Variants in FHIT observed in about 807,000 individuals in gnomAD.
The protein encoded by FHIT is fragile histidine triad diadenosine triphosphatase.
In FHIT, 19 loss-of-function variants were observed where a neutral mutation model predicts 17.9. That is an observed-to-expected ratio of 1.06 (90% CI 0.74 to 1.56). The LOEUF (loss-of-function observed/expected upper bound fraction) is 1.56, where lower values mean the gene tolerates loss of function less well. Ranked by LOEUF, FHIT falls within the 40% of genes most tolerant of loss-of-function variation. The pLI, the probability that FHIT is intolerant of heterozygous loss-of-function variation, is 0.00. For synonymous variants in FHIT, 81 were observed against 69.7 expected (o/e 1.16, Z -0.81); for missense variants, 248 against 189.2 (o/e 1.31, Z -1.82).
chr3:60,876,367 A>C (rs2107099252), intron 3 of FHIT, among the ~76,000 whole-genome samples: 1 of 152,326 alleles, frequency 6.6e-6, no homozygotes, highest in Non-Finnish European at 1.5e-5. Flanking sequence ...TTCTAATTTT[A>C]GGTTAAAAAG....
intron 4 of FHIT, among the ~76,000 whole-genome samples, chr3:60,725,923 G>A (rs1360472952): frequency 6.6e-6 from 1 of 151,970 alleles, no homozygotes; most frequent in Non-Finnish European, 1.5e-5. Flanking sequence ...TGATATTAAG[G>A]CTCACTGATG....
intron 4 of FHIT, among the ~76,000 whole-genome samples, chr3:60,649,319 G>A (rs541552264): frequency 2.0e-5 from 3 of 152,128 alleles, no homozygotes; most frequent in Admixed American, 6.5e-5. Flanking sequence ...AGGCTGAGGC[G>A]TTAACCTGGG....
chr3:60,172,476 A>T (rs762203635), intron 5 of FHIT, among the ~76,000 whole-genome samples: 182 of 149,238 alleles, frequency 1.2e-3, no homozygotes, highest in Admixed American at 2.5e-3. Flanking sequence ...GAGTTTCTCC[A>T]TGTTAGTCAG....
intron 3 of FHIT, among the ~76,000 whole-genome samples, chr3:61,004,621 G>A (rs2107610499): frequency 6.6e-6 from 1 of 152,258 alleles, no homozygotes; most frequent in South Asian, 2.1e-4. Context: ...GAGGAACATA[G>A]CCAGCTCAAA....
At chr3:60,484,292 A>T (rs2033743874) in intron 5 of FHIT, among the ~76,000 whole-genome samples, 1 of 152,122 alleles carries the variant, frequency 6.6e-6, no homozygotes, top group Non-Finnish European at 1.5e-5. Context: ...TACTATTGAC[A>T]TCCCTCACAA....
At chr3:60,068,617 T>C (rs1456355246) in intron 5 of FHIT, among the ~76,000 whole-genome samples, 1 of 152,194 alleles carries the variant, frequency 6.6e-6, no homozygotes, top group Non-Finnish European at 1.5e-5. Flanking sequence ...CACAAACTAC[T>C]AAATGTCCAA....
At chr3:60,284,490 C>T (rs1707622192) in intron 5 of FHIT, among the ~76,000 whole-genome samples, 1 of 152,038 alleles carries the variant, frequency 6.6e-6, no homozygotes, top group African/African-American at 2.4e-5. Flanking sequence ...CAAGGTAGGT[C>T]ATCTTAGTTT....
intron 3 of FHIT, among the ~76,000 whole-genome samples, chr3:60,975,583 A>C (rs1410451502): frequency 2.6e-5 from 4 of 152,236 alleles, no homozygotes; most frequent in Non-Finnish European, 5.9e-5. Flanking sequence ...GGTTATGTAG[A>C]GTAAAATTTT....
intron 8 of FHIT, among the ~76,000 whole-genome samples, chr3:59,793,854 G>A (rs1420034732): frequency 1.3e-5 from 2 of 152,172 alleles, no homozygotes; most frequent in Admixed American, 1.3e-4. Context: ...AGCTGGCCCA[G>A]TGAGGATAGG....
chr3:59,784,964 CATCATGGGGAGGCCTCAGGAAGCTTCCA>C lies in FHIT; in HGVS notation c.349-32671_349-32644del, dbSNP rs570462874. Among the ~76,000 whole-genome samples, 75 of 152,154 alleles carry C rather than the reference CATCATGGGGAGGCCTCAGGAAGCTTCCA, an allele frequency of 4.9e-4. 1 individual carries two copies. Among genetic ancestry groups the C allele is most frequent in the African/African-American group, 1.6e-3 (68 of 41,504 alleles). On this transcript the variant is annotated intron_variant, in intron 8 of 9. Coordinates refer to ENST00000492590, the MANE Select transcript of FHIT (RefSeq NM_002012.4). ...GGCTGTACAGGAAGCATGATGCTGG[CATCATGGGGAGGCCTCAGGAAGCTTCCA>C]ATCATGGTGGAAGGCAAAGTGGAAG...
chr3:60,213,661 C>G (rs1471248900), intron 5 of FHIT, among the ~76,000 whole-genome samples: 1 of 152,200 alleles, frequency 6.6e-6, no homozygotes, highest in African/African-American at 2.4e-5. Context: ...TTTACCATAA[C>G]ATCTCCTAAA....
intron 4 of FHIT, among the ~76,000 whole-genome samples, chr3:60,563,513 G>A (rs2037027379): frequency 6.6e-6 from 1 of 152,226 alleles, no homozygotes; most frequent in African/African-American, 2.4e-5. Context: ...GCCAAAGACA[G>A]GCCAAAAGCT....
At chr3:61,093,402 G>A (rs961672269) in intron 2 of FHIT, among the ~76,000 whole-genome samples, 1 of 152,216 alleles carries the variant, frequency 6.6e-6, no homozygotes, top group African/African-American at 2.4e-5. Context: ...CTGGCATCCA[G>A]TGGGTAGAGG....
At chr3:60,469,775 C>T (rs2032987502) in intron 5 of FHIT, among the ~76,000 whole-genome samples, 1 of 152,150 alleles carries the variant, frequency 6.6e-6, no homozygotes, top group Admixed American at 6.5e-5. Context: ...GGGCTTGTTT[C>T]TGCCTATCCT....
At chr3:60,929,046 C>T (rs1707807562) in intron 3 of FHIT, among the ~76,000 whole-genome samples, 1 of 152,202 alleles carries the variant, frequency 6.6e-6, no homozygotes, top group East Asian at 1.9e-4. Flanking sequence ...TCCTGGGATG[C>T]AAGGCTGGTT....
intron 4 of FHIT, among the ~76,000 whole-genome samples, chr3:60,579,203 A>C (rs1406028061): frequency 2.6e-5 from 4 of 152,166 alleles, no homozygotes; most frequent in African/African-American, 7.2e-5. Flanking sequence ...AAACCTAGAT[A>C]GGTATAGCCC....
chr3:61,102,334 T>G (rs1576016687), intron 2 of FHIT, among the ~76,000 whole-genome samples: 1 of 152,226 alleles, frequency 6.6e-6, no homozygotes, highest in Admixed American at 6.5e-5. Context: ...TGTCTTTGGT[T>G]CTGTTTATGT....
chr3:60,747,970 G>A (rs2042392246), intron 4 of FHIT, among the ~76,000 whole-genome samples: 2 of 152,078 alleles, frequency 1.3e-5, no homozygotes, highest in African/African-American at 2.4e-5. Context: ...TATGTCCTGG[G>A]GATTAAAAAC....
intron 5 of FHIT, among the ~76,000 whole-genome samples, chr3:60,291,737 C>T (rs116594415): frequency 8.1e-4 from 123 of 152,128 alleles, no homozygotes; most frequent in Non-Finnish European, 1.5e-3. Flanking sequence ...TTAGAGTGAG[C>T]CTTAAATCCA....
Sources: gnomAD v4.1 joint callset for allele counts (sites outside exome capture counted in the v4.1 genomes callset) on GRCh38, gnomAD v4.1.1 for gene constraint, MANE v1.5 for transcripts, NCBI Gene and HGNC (gene_info 2026-07-23, HGNC 2026-07-21) for gene names.